The following TAFA1 variants were observed in gnomAD, a reference collection of about 807,000 sequenced individuals.
TAFA1 encodes chemokine-like protein TAFA-1.
In TAFA1, 4 loss-of-function variants were observed where a neutral mutation model predicts 18.5. The observed-to-expected ratio is 0.22, with a 90% CI of 0.11 to 0.49. TAFA1 has a LOEUF of 0.49. Ranked by LOEUF, TAFA1 falls within the 20% of genes least tolerant of loss-of-function variation. The pLI, the probability that TAFA1 is intolerant of heterozygous loss-of-function variation, is 0.98. For synonymous variants in TAFA1, 56 were observed against 55.2 expected, an observed-to-expected ratio of 1.01 and a Z score of -0.06; for missense variants, 147 against 169.0, an observed-to-expected ratio of 0.87 and a Z score of 0.72.
chr3:68,462,153 A>G, intron 3 of TAFA1, among the ~76,000 whole-genome samples: 1 of 152,156 alleles, frequency 6.6e-6, no homozygotes, highest in Admixed American at 6.6e-5. Flanking sequence ...GTATTCCTAA[A>G]TATATATCTA....
At chr3:68,344,462 A>G (rs927878235) in intron 2 of TAFA1, among the ~76,000 whole-genome samples, 5 of 152,194 alleles carry the variant, frequency 3.3e-5, no homozygotes, top group South Asian at 2.1e-4. Context: ...TGCTTCTTAG[A>G]TCATAATCTC....
chr3:68,121,747 G>A (rs930920994), intron 2 of TAFA1, among the ~76,000 whole-genome samples: 5 of 151,984 alleles, frequency 3.3e-5, no homozygotes, highest in African/African-American at 9.7e-5. Context: ...CTATCAAAAC[G>A]TAGCATACAC....
chr3:68,326,563 A>T (rs2068780834), intron 2 of TAFA1, among the ~76,000 whole-genome samples: 1 of 152,214 alleles, frequency 6.6e-6, no homozygotes, highest in Non-Finnish European at 1.5e-5. Context: ...TGCATTGTCC[A>T]TGCTGTCTGT....
chr3:68,277,107 TAA>T (rs2067811706), intron 2 of TAFA1, among the ~76,000 whole-genome samples: 1 of 152,128 alleles, frequency 6.6e-6, no homozygotes, highest in East Asian at 1.9e-4. Context: ...ACAAGATATA[TAA>T]GTTATCTCCT....
intron 3 of TAFA1, among the ~76,000 whole-genome samples, chr3:68,434,028 G>T (rs981597325): frequency 1.3e-5 from 2 of 152,020 alleles, no homozygotes; most frequent in Non-Finnish European, 2.9e-5. Context: ...TAAGTTTTCT[G>T]TAAAAGGATA....
intron 4 of TAFA1, 77 bp downstream of exon 4, chr3:68,538,957 C>A: frequency 1.4e-6 from 2 of 1,466,674 alleles, no homozygotes; most frequent in Non-Finnish European, 1.9e-6. Flanking sequence ...AAACAGCATC[C>A]ACAGAAGCTT....
chr3:68,381,756 C>A (rs1380567336), intron 2 of TAFA1, among the ~76,000 whole-genome samples: 2 of 152,056 alleles, frequency 1.3e-5, no homozygotes, highest in Non-Finnish European at 2.9e-5. Context: ...ATTGAATACC[C>A]TTTGTTTCCT....
Position 68,113,022 on chromosome 3 carries a change from G to A in TAFA1, c.118+106278G>A, listed in dbSNP as rs202111192. Reference sequence around the variant, plus strand: ...TAGATTACTTTTTACACTCAATGTCGTGTATCAGTAACTTGGCAGGTAGAA... The same window carrying A: ...TAGATTACTTTTTACACTCAATGTCATGTATCAGTAACTTGGCAGGTAGAA... On this transcript the variant is annotated intron_variant, in intron 2 of 4. Transcript: ENST00000478136. 1.6e-4 allele frequency among the ~76,000 whole-genome samples: 24 copies of A among 152,046 alleles called. No individual in the cohort carries two copies. In the East Asian group the frequency reaches 3.7e-3, roughly 23 times the overall value.
chr3:68,016,973 T>G (rs1272665739), intron 2 of TAFA1, among the ~76,000 whole-genome samples: 1 of 152,204 alleles, frequency 6.6e-6, no homozygotes. Flanking sequence ...AAGACAGGAA[T>G]TAGATATTTC....
intron 3 of TAFA1, among the ~76,000 whole-genome samples, chr3:68,494,170 C>T (rs940604024): frequency 2.0e-5 from 3 of 152,268 alleles, no homozygotes; most frequent in East Asian, 3.9e-4. Context: ...GGCACAATCT[C>T]GGCTCACTGC....
rs118069782 is a variant in TAFA1 at position 68,460,477 on chromosome 3, G to T, written c.259+43057G>T. Among the ~76,000 whole-genome samples, 155 of 152,068 alleles carry T rather than the reference G, an allele frequency of 1.0e-3. No homozygotes were observed. In the East Asian group the frequency reaches 0.023, roughly 23 times the overall value. On this transcript the variant is annotated intron_variant, in intron 3 of 4. Coordinates refer to ENST00000478136, the MANE Select transcript of TAFA1 (RefSeq NM_213609.4). Reference sequence around the variant, plus strand: ...AGACTTTTAGCATAATATGGTATAGGGTACATGCTAGCAGGAACGTAACTA... The same window carrying T: ...AGACTTTTAGCATAATATGGTATAGTGTACATGCTAGCAGGAACGTAACTA...
rs138934199 is a variant in TAFA1 at position 68,307,066 on chromosome 3, A to G, written c.119-110214A>G. Among the ~76,000 whole-genome samples, 189 of 152,276 alleles carry G rather than the reference A, an allele frequency of 1.2e-3. 2 individuals carry two copies. The East Asian group carries it at 0.032, about 26-fold the overall frequency. ...ACCATTAGCTTCTGTTTTTTCATCA[A>G]TAAGGTGTGAATAATGATAGTATTG... is the stretch of plus-strand genomic sequence containing the variant. On this transcript the variant is annotated intron_variant, in intron 2 of 4. Coordinates refer to ENST00000478136, the MANE Select transcript of TAFA1 (RefSeq NM_213609.4).
intron 2 of TAFA1, among the ~76,000 whole-genome samples, chr3:68,233,036 T>C (rs1035096488): frequency 1.3e-5 from 2 of 152,216 alleles, no homozygotes; most frequent in Non-Finnish European, 2.9e-5. Context: ...GTCTTTTTGA[T>C]AGTAGCTGTT....
At chr3:68,183,556 T>C (rs1559550886) in intron 2 of TAFA1, among the ~76,000 whole-genome samples, 1 of 152,168 alleles carries the variant, frequency 6.6e-6, no homozygotes, top group South Asian at 2.1e-4. Context: ...GGATCCTGTA[T>C]ATCTTTTCTT....
intron 2 of TAFA1, among the ~76,000 whole-genome samples, chr3:68,083,496 G>C (rs1374775114): frequency 6.6e-6 from 1 of 152,158 alleles, no homozygotes; most frequent in African/African-American, 2.4e-5. Flanking sequence ...TTCCAAACTT[G>C]GTTTAATTTA....
chr3:68,481,543 C>T (rs1046018193), intron 3 of TAFA1, among the ~76,000 whole-genome samples: 1 of 152,140 alleles, frequency 6.6e-6, no homozygotes, highest in African/African-American at 2.4e-5. Flanking sequence ...TCATTCCGAG[C>T]TAAATTCTAC....
intron 2 of TAFA1, among the ~76,000 whole-genome samples, chr3:68,376,648 G>T (rs1302053315): frequency 1.3e-5 from 2 of 152,064 alleles, no homozygotes; most frequent in Non-Finnish European, 2.9e-5. Flanking sequence ...TGTTTATCCA[G>T]TCTACCATGA....
At chr3:68,262,508 C>G (rs1188020972) in intron 2 of TAFA1, among the ~76,000 whole-genome samples, 1 of 151,446 alleles carries the variant, frequency 6.6e-6, no homozygotes, top group African/African-American at 2.4e-5. Context: ...TGTTTAGCTC[C>G]CACTTATAAG....
intron 3 of TAFA1, among the ~76,000 whole-genome samples, chr3:68,432,693 T>A (rs2106841291): frequency 6.6e-6 from 1 of 152,084 alleles, no homozygotes; most frequent in South Asian, 2.1e-4. Context: ...CATGCAGAAG[T>A]GAAGGTACTG....
Sources: gnomAD v4.1 joint callset for allele counts (sites outside exome capture counted in the v4.1 genomes callset) on GRCh38, gnomAD v4.1.1 for gene constraint, MANE v1.5 for transcripts, NCBI Gene and HGNC (gene_info 2026-07-23, HGNC 2026-07-21) for gene names.